ADCY9: variants seen among roughly 807,000 people sequenced by gnomAD.
ADCY9 encodes adenylate cyclase 9.
ADCY9 carries 50 observed loss-of-function variants against 101.5 expected under a neutral mutation model. The ratio of observed to expected loss-of-function variants is 0.49; its 90% confidence interval spans 0.39 to 0.62. The LOEUF (loss-of-function observed/expected upper bound fraction) is 0.62, where lower values mean the gene tolerates loss of function less well. Ranked by LOEUF, ADCY9 falls within the 20% of genes least tolerant of loss-of-function variation. The probability of loss-of-function intolerance (pLI) is 0.00; values close to 1 mark genes in which losing one functional copy is unlikely to be tolerated. For missense variants in ADCY9, 1,662 were observed against 1,800.4 expected (o/e 0.92, Z 1.39); for synonymous variants, 905 against 769.3 (o/e 1.18, Z -2.92).
Position 3,992,492 on chromosome 16 carries a change from C to A in ADCY9, c.1990-129G>T. ...ACTGGGCGTGGGACTTTCTGACCTG[C>A]GAGGAACCCCCACCCCCCTGCGCCT... On this transcript the variant is annotated intron_variant, in intron 4 of 10. Coordinates refer to ENST00000294016, the MANE Select transcript of ADCY9 (RefSeq NM_001116.4). The surrounding 1 kb of genome is among the most constrained non-coding windows in gnomAD (Gnocchi z 4.2). 1 of 794,016 alleles carries A rather than the reference C, an allele frequency of 1.3e-6. No homozygotes were observed. Among genetic ancestry groups the A allele is most frequent in the South Asian group, 1.8e-5 (1 of 56,122 alleles). The allele number at this position is 794,016 out of a possible 1,614,324, so 49.2% of individuals were successfully genotyped here.
intron 7 of ADCY9, 67 bp downstream of exon 7, chr16:3,983,165 T>C: frequency 7.0e-7 from 1 of 1,429,860 alleles, no homozygotes; most frequent in Non-Finnish European, 9.4e-7. Context: ...CGCTCAGCCA[T>C]AAGCCATGGA....
intron 2 of ADCY9, among the ~76,000 whole-genome samples, chr16:4,039,936 G>T (rs958051479): frequency 3.9e-5 from 6 of 152,096 alleles, no homozygotes; most frequent in African/African-American, 1.2e-4. Context: ...CTACTTGGGA[G>T]GCTGAAGTGG....
intron 7 of ADCY9, chr16:3,982,357 T>G (rs887984687): frequency 6.6e-6 from 1 of 152,372 alleles, no homozygotes; most frequent in Non-Finnish European, 1.5e-5. Flanking sequence ...CCTCCCCATG[T>G]CTGTTTGAAG....
intron 2 of ADCY9, among the ~76,000 whole-genome samples, chr16:4,080,238 A>T (rs2056893138): frequency 6.6e-6 from 1 of 151,858 alleles, no homozygotes; most frequent in Admixed American, 6.6e-5. Flanking sequence ...AACAGAGGTA[A>T]TTTTTCTTTT....
At chr16:4,054,802 C>T (rs558166088) in intron 2 of ADCY9, among the ~76,000 whole-genome samples, 9 of 152,054 alleles carry the variant, frequency 5.9e-5, no homozygotes, top group Non-Finnish European at 1.3e-4. Flanking sequence ...CTCCTGACCT[C>T]GTGATCCACC....
chr16:3,964,849 C>T lies in ADCY9; in HGVS notation c.*926G>A, dbSNP rs2055973701. The T allele has an allele frequency of 6.6e-6, 1 of 152,272 alleles. No individual in the cohort carries two copies. The highest frequency in any genetic ancestry group is 1.5e-5 in the Non-Finnish European group (1 of 68,072). The allele number at this position is 152,272 out of a possible 1,614,324, so 9.4% of individuals were successfully genotyped here. ...GCTATGACCCCCCACCCTGAGGACC[C>T]AGCACCCCTCCCGGGAGCGCACATG... On this transcript the variant is annotated 3_prime_UTR_variant, in exon 11 of 11. Coordinates refer to ENST00000294016, the MANE Select transcript of ADCY9 (RefSeq NM_001116.4).
intron 9 of ADCY9, among the ~76,000 whole-genome samples, chr16:3,976,037 G>T (rs1362361446): frequency 6.6e-6 from 1 of 152,090 alleles, no homozygotes; most frequent in Non-Finnish European, 1.5e-5. Context: ...TGTCACCCAG[G>T]CTGGAGTGCA....
At chr16:3,974,198 T>C (rs372914059) in intron 10 of ADCY9, among the ~76,000 whole-genome samples, 1 of 152,132 alleles carries the variant, frequency 6.6e-6, no homozygotes, top group African/African-American at 2.4e-5. Flanking sequence ...CCCGCCACCA[T>C]GCCCAGCTAA....
At chr16:4,097,822 C>T (rs1184857168) in intron 2 of ADCY9, among the ~76,000 whole-genome samples, 8 of 152,052 alleles carry the variant, frequency 5.3e-5, no homozygotes, top group Non-Finnish European at 1.0e-4. Context: ...GCTGGGATTA[C>T]AGGCATGAGC....
In ADCY9 at chr16:4,113,897, G is replaced by A; in HGVS notation, c.1546C>T (p.Leu516=). 6.2e-7 allele frequency: 1 copy of A among 1,614,154 alleles called. No individual in the cohort carries two copies. Among genetic ancestry groups the A allele is most frequent in the Non-Finnish European group, 8.5e-7 (1 of 1,180,034 alleles). ...KFDVWSNDVN[L]ANLMEQLGVA... is the part of the protein sequence containing the mutation. ...CCCAGCTGCTCCATGAGATTGGCCA[G>A]GTTCACATCGTTGGACCACACGTCA... The change falls in exon 2 of 11, where the codon CTG becomes TTG. Residue 516 remains leucine, a synonymous_variant. Transcript: ENST00000294016.
intron 6 of ADCY9, among the ~76,000 whole-genome samples, chr16:3,986,516 G>A (rs990531477): frequency 4.6e-5 from 7 of 152,082 alleles, no homozygotes; most frequent in Non-Finnish European, 7.4e-5. Context: ...ATAGTGCAAC[G>A]GCATGGTCTC....
At chr16:3,955,521 G>C (rs376662551) in intron 5 of ADCY9, among the ~76,000 whole-genome samples, 144 of 152,214 alleles carry the variant, frequency 9.5e-4, no homozygotes, top group Middle Eastern at 3.4e-3. Flanking sequence ...AGAAGTCTAC[G>C]GATGTCCTTC....
intron 2 of ADCY9, among the ~76,000 whole-genome samples, chr16:4,016,688 A>C (rs1026104590): frequency 5.3e-5 from 8 of 152,218 alleles, no homozygotes; most frequent in Non-Finnish European, 1.2e-4. Context: ...TGAAAATGGA[A>C]ATAAAGCTGT....
intron 2 of ADCY9, among the ~76,000 whole-genome samples, chr16:4,099,314 G>C (rs2057027796): frequency 6.6e-6 from 1 of 152,146 alleles, no homozygotes; most frequent in South Asian, 2.1e-4. Flanking sequence ...GATACAGAAA[G>C]AAATTCTACA....
downstream of ADCY9, among the ~76,000 whole-genome samples, chr16:3,958,940 G>A (rs1474510058): frequency 6.6e-6 from 1 of 151,812 alleles, no homozygotes; most frequent in Non-Finnish European, 1.5e-5. Flanking sequence ...CTCCCAAAGT[G>A]CTGGGACCAC....
intron 3 of ADCY9, among the ~76,000 whole-genome samples, chr16:3,995,936 G>A (rs1405197207): frequency 6.6e-6 from 1 of 152,064 alleles, no homozygotes; most frequent in African/African-American, 2.4e-5. Context: ...GCAAATAATG[G>A]CATCTAGATA....
chr16:3,985,312 G>C (rs866649424), intron 6 of ADCY9, among the ~76,000 whole-genome samples: 2 of 152,012 alleles, frequency 1.3e-5, no homozygotes, highest in African/African-American at 4.8e-5. Flanking sequence ...GCTAATTTTT[G>C]TATGATTAGT....
intron 2 of ADCY9, among the ~76,000 whole-genome samples, chr16:4,107,143 G>A (rs1236479699): frequency 6.6e-6 from 1 of 152,180 alleles, no homozygotes; most frequent in African/African-American, 2.4e-5. Context: ...CGACTCTACT[G>A]CTGTTTTCTG....
chr16:3,984,879 C>T (rs780556965), intron 6 of ADCY9, among the ~76,000 whole-genome samples: 2 of 152,190 alleles, frequency 1.3e-5, no homozygotes, highest in Non-Finnish European at 2.9e-5. Flanking sequence ...TTGGGACAAA[C>T]CAGCTCCGGG....
Sources: gnomAD v4.1 joint callset for allele counts (sites outside exome capture counted in the v4.1 genomes callset) on GRCh38, gnomAD v4.1.1 for gene constraint, Gnocchi (gnomAD v3.1) non-coding constraint, MANE v1.5 for transcripts, NCBI Gene and HGNC (gene_info 2026-07-23, HGNC 2026-07-21) for gene names.